CSNK1G1: variants seen among roughly 807,000 people sequenced by gnomAD.
CSNK1G1 encodes the protein casein kinase 1 gamma 1, also known as casein kinase I isoform gamma-1.
In CSNK1G1, 22 loss-of-function variants were observed where a neutral mutation model predicts 59.6. That is an observed-to-expected ratio of 0.37 (90% CI 0.26 to 0.53). CSNK1G1 has a LOEUF of 0.53. Ranked by LOEUF, CSNK1G1 falls within the 20% of genes least tolerant of loss-of-function variation. The probability of loss-of-function intolerance (pLI) is 0.89; values close to 1 mark genes in which losing one functional copy is unlikely to be tolerated. For synonymous variants in CSNK1G1, 179 were observed against 177.1 expected (o/e 1.01, Z -0.08); for missense variants, 384 against 519.5 (o/e 0.74, Z 2.54).
intron 4 of CSNK1G1, among the ~76,000 whole-genome samples, chr15:64,217,653 T>C (rs1017461442): frequency 6.6e-6 from 1 of 151,928 alleles, no homozygotes; most frequent in Non-Finnish European, 1.5e-5. Context: ...CTGTCTCTAC[T>C]GAAAATACAA....
intron 1 of CSNK1G1, among the ~76,000 whole-genome samples, chr15:64,336,624 G>T (rs1368259539): frequency 1.3e-5 from 2 of 151,936 alleles, no homozygotes; most frequent in Non-Finnish European, 2.9e-5. Context: ...ATTAATTTTT[G>T]ATCTGAAAAT....
chr15:64,225,887 G>A (rs974087207), intron 4 of CSNK1G1, among the ~76,000 whole-genome samples: 14 of 152,046 alleles, frequency 9.2e-5, no homozygotes, highest in Non-Finnish European at 7.4e-5. Context: ...TCGGCCTCCC[G>A]AAGTGCTGGG....
chr15:64,209,815 T>A (rs537675962), intron 6 of CSNK1G1, among the ~76,000 whole-genome samples: 1 of 152,300 alleles, frequency 6.6e-6, no homozygotes, highest in Non-Finnish European at 1.5e-5. Context: ...CACCTACTCA[T>A]TGCCTCTCCA....
intron 10 of CSNK1G1, among the ~76,000 whole-genome samples, chr15:64,184,997 T>C (rs1411725690): frequency 6.6e-6 from 1 of 152,230 alleles, no homozygotes; most frequent in Non-Finnish European, 1.5e-5. Flanking sequence ...TACTTGGTCC[T>C]GAACATTTCT....
intron 2 of CSNK1G1, among the ~76,000 whole-genome samples, chr15:64,297,394 T>G (rs1354562372): frequency 6.6e-6 from 1 of 151,682 alleles, no homozygotes; most frequent in Non-Finnish European, 1.5e-5. Context: ...GAATTGCAAG[T>G]GTAAAGGCTC....
At chr15:64,333,803 G>C (rs963694827) in intron 1 of CSNK1G1, among the ~76,000 whole-genome samples, 8 of 152,006 alleles carry the variant, frequency 5.3e-5, no homozygotes, top group African/African-American at 1.9e-4. Flanking sequence ...AGTTTAAAAA[G>C]ACAAAGTCAT....
intron 2 of CSNK1G1, among the ~76,000 whole-genome samples, chr15:64,273,863 C>T (rs1893461572): frequency 6.6e-6 from 1 of 152,202 alleles, no homozygotes. Flanking sequence ...CTAAATGATG[C>T]TCTTAATTAG....
At position 64,165,899 on chromosome 15, in the gene CSNK1G1, T is replaced by G; in HGVS notation, c.*6032A>C. 1 of 509,486 alleles carries G rather than the reference T, an allele frequency of 2.0e-6. No individual in the cohort carries two copies. The allele number at this position is 509,486 out of a possible 1,614,324, so 31.6% of individuals were successfully genotyped here. A position where few individuals can be genotyped will look rare whatever the true frequency, so the allele number is the denominator to read the frequency against. ...ATCACATATCAGAACCCATTTTCCA[T>G]TTTCTCCAAAGAAGGCTACTTCCTC... On this transcript the variant is annotated 3_prime_UTR_variant, in exon 12 of 12. Transcript: ENST00000303052.
intron 9 of CSNK1G1, 132 bp from the exon 10 acceptor site, chr15:64,203,321 T>C (rs2082133447): frequency 4.5e-6 from 3 of 672,162 alleles, no homozygotes; most frequent in Non-Finnish European, 8.0e-6. Context: ...TTTCAAGTTG[T>C]CTTGTCTTCT....
chr15:64,326,643 CAAAA>C (rs780561572), intron 1 of CSNK1G1, among the ~76,000 whole-genome samples: 1 of 138,074 alleles, frequency 7.2e-6, no homozygotes, highest in Non-Finnish European at 1.6e-5. Flanking sequence ...AACTCTGTAT[CAAAA>C]AAAAAAAAAG....
chr15:64,338,954 T>G (rs986723383), intron 1 of CSNK1G1, among the ~76,000 whole-genome samples: 1 of 151,364 alleles, frequency 6.6e-6, no homozygotes, highest in Non-Finnish European at 1.5e-5. Flanking sequence ...GAGGTGGAGA[T>G]AGCAGTGAGC....
Position 64,225,394 on chromosome 15 carries a change from G to A in CSNK1G1, c.293-8681C>T, listed in dbSNP as rs116974051. ...ACAGGCCAAAGGCCCATCCCTCTCC[G>A]AACCTCCCCTCCCCTATGTCAGGAA... On this transcript the variant is annotated intron_variant, in intron 4 of 11. Coordinates refer to ENST00000303052, the MANE Select transcript of CSNK1G1 (RefSeq NM_022048.5). Among the ~76,000 whole-genome samples the A allele has an allele frequency of 2.6e-4, 39 of 152,082 alleles. No homozygotes were observed. The East Asian group carries it at 5.6e-3, about 22-fold the overall frequency.
chr15:64,174,044 G>T (rs1453587430), intron 11 of CSNK1G1, among the ~76,000 whole-genome samples: 12 of 152,166 alleles, frequency 7.9e-5, no homozygotes, highest in Non-Finnish European at 1.5e-5. Context: ...TCTGAATCAT[G>T]ATTTTCACAG....
chr15:64,206,034 C>T (rs1177340358), intron 7 of CSNK1G1, among the ~76,000 whole-genome samples: 1 of 152,138 alleles, frequency 6.6e-6, no homozygotes, highest in African/African-American at 2.4e-5. Flanking sequence ...GGGCCAGGCG[C>T]GATGGCTCAT....
chr15:64,204,734 A>T, intron 8 of CSNK1G1, 131 bp downstream of exon 8: 1 of 1,165,654 alleles, frequency 8.6e-7, no homozygotes. Flanking sequence ...AAGTGATAAA[A>T]CCTACTTTGG....
intron 1 of CSNK1G1, among the ~76,000 whole-genome samples, chr15:64,318,613 CTTT>C (rs761084189): frequency 5.2e-5 from 7 of 135,672 alleles, no homozygotes; most frequent in Admixed American, 7.5e-5. Flanking sequence ...GTGGCATGAT[CTTT>C]TTTTTTTTTT....
chr15:64,290,996 G>T (rs1464428570), intron 2 of CSNK1G1, among the ~76,000 whole-genome samples: 1 of 152,122 alleles, frequency 6.6e-6, no homozygotes, highest in African/African-American at 2.4e-5. Flanking sequence ...TTACAGGCGT[G>T]AGCCACCATG....
In CSNK1G1 at chr15:64,216,655, C is replaced by A; in HGVS notation, c.351G>T (p.Val117=). 6.2e-7 allele frequency: 1 copy of A among 1,614,006 alleles called. No individual in the cohort carries two copies. Among genetic ancestry groups the A allele is most frequent in the Non-Finnish European group, 8.5e-7 (1 of 1,179,900 alleles). The change falls in exon 5 of 12, where the codon GTG becomes GTT. Residue 117 remains valine, a synonymous_variant. Transcript: ENST00000303052. The surrounding 1 kb of genome is among the most constrained non-coding windows in gnomAD (Gnocchi z 4.6). ...CCAAGCTAGGGCCAAGGAGCTCCAG[C>A]ACCATGGCATTATATTTCCCACATG... ...FGPCGKYNAM[V]LELLGPSLED...
intron 10 of CSNK1G1, among the ~76,000 whole-genome samples, chr15:64,182,907 C>T (rs1172428908): frequency 2.0e-5 from 3 of 152,152 alleles, no homozygotes; most frequent in Non-Finnish European, 4.4e-5. Context: ...GATTGGAAAA[C>T]CACAGCTCCT....
Sources: gnomAD v4.1 joint callset for allele counts (sites outside exome capture counted in the v4.1 genomes callset) on GRCh38, gnomAD v4.1.1 for gene constraint, Gnocchi (gnomAD v3.1) non-coding constraint, MANE v1.5 for transcripts, NCBI Gene and HGNC (gene_info 2026-07-23, HGNC 2026-07-21) for gene names.